The following TTF2 variants were observed in gnomAD, a reference collection of about 807,000 sequenced individuals.
TTF2 encodes RNA polymerase II termination factor.
In TTF2, 108 loss-of-function variants were observed where a neutral mutation model predicts 142.4. The observed-to-expected ratio is 0.76, with a 90% CI of 0.65 to 0.89. The LOEUF is 0.89. Among genes scored for constraint, TTF2 ranks in the 40% least tolerant of loss-of-function variants. The probability of loss-of-function intolerance (pLI) is 0.00; values close to 1 mark genes in which losing one functional copy is unlikely to be tolerated. For synonymous variants in TTF2, 483 were observed against 506.2 expected (o/e 0.95, Z 0.61); for missense variants, 1,327 against 1,379.8 (o/e 0.96, Z 0.61).
At position 117,087,841 on chromosome 1, in the gene TTF2, G is replaced by T. The variant is rs1263018086; in HGVS notation, c.2161-960G>T. Among the ~76,000 whole-genome samples, 1 of 152,062 alleles carries T rather than the reference G, an allele frequency of 6.6e-6. No homozygotes were observed. The highest frequency in any genetic ancestry group is 2.4e-5 in the African/African-American group (1 of 41,394). Reference sequence around the variant, plus strand: ...ACCACTCCCTTCCCACCTTCCCCCGGTTTGGTTGAATGCCTCTGCCAGCAC... The same window carrying T: ...ACCACTCCCTTCCCACCTTCCCCCGTTTTGGTTGAATGCCTCTGCCAGCAC... On this transcript the variant is annotated intron_variant, in intron 12 of 22. Transcript: ENST00000369466. This position sits in a 1 kb window ranked among gnomAD's most constrained non-coding sequence, Gnocchi z 4.8.
At chr1:117,088,536 T>A (rs1174744327) in intron 12 of TTF2, among the ~76,000 whole-genome samples, 1 of 150,850 alleles carries the variant, frequency 6.6e-6, no homozygotes, top group African/African-American at 2.4e-5. Context: ...GACTCCCATC[T>A]CAAAAAAAAA....
At position 117,101,025 on chromosome 1, in the gene TTF2, C is replaced by A. The variant is rs891005491; in HGVS notation, c.3345-355C>A. Among the ~76,000 whole-genome samples, 3 of 152,188 alleles carry A rather than the reference C, an allele frequency of 2.0e-5. No individual in the cohort carries two copies. Among genetic ancestry groups the A allele is most frequent in the African/African-American group, 7.2e-5 (3 of 41,438 alleles). On this transcript the variant is annotated intron_variant, in intron 22 of 22. Coordinates refer to ENST00000369466, the MANE Select transcript of TTF2 (RefSeq NM_003594.4). The surrounding 1 kb of genome is among the most constrained non-coding windows in gnomAD (Gnocchi z 5.9). ...CTAAGAAATACTCTACTTAAACTAG[C>A]AGAAATTTGATAACCTTTGAGGCCT...
Position 117,092,297 on chromosome 1 carries a change from G to A in TTF2, c.2805+347G>A, listed in dbSNP as rs144334563. Reference sequence around the variant, plus strand: ...GTCATAAAGCTAATTTAGTTCTTGGGGTTTTCTGCTTTCAGGCAGTTTTGG... The same window carrying A: ...GTCATAAAGCTAATTTAGTTCTTGGAGTTTTCTGCTTTCAGGCAGTTTTGG... On this transcript the variant is annotated intron_variant, in intron 17 of 22. Transcript: ENST00000369466. The surrounding 1 kb of genome is among the most constrained non-coding windows in gnomAD (Gnocchi z 4.4). Among the ~76,000 whole-genome samples the A allele has an allele frequency of 6.4e-4, 98 of 152,168 alleles. No individual in the cohort carries two copies. The highest frequency in any genetic ancestry group is 2.3e-3 in the African/African-American group (96 of 41,510).
intron 3 of TTF2, among the ~76,000 whole-genome samples, chr1:117,065,770 T>C (rs1242671519): frequency 1.7e-5 from 1 of 58,884 alleles, no homozygotes; most frequent in Non-Finnish European, 3.8e-5. Flanking sequence ...GGTAAGCCTT[T>C]ATTGCATGAA....
Position 117,070,227 on chromosome 1 carries a change from G to A in TTF2, c.219-3434G>A, listed in dbSNP as rs1252599744. The stretch of plus-strand genomic sequence containing the variant: ...CATGAGTTTTAAAGTAGACACTACA[G>A]TCATGAGTCATTTAACAATGGGGGC... On this transcript the variant is annotated intron_variant, in intron 3 of 22. Coordinates refer to ENST00000369466, the MANE Select transcript of TTF2 (RefSeq NM_003594.4). This position sits in a 1 kb window ranked among gnomAD's most constrained non-coding sequence, Gnocchi z 4.2. Among the ~76,000 whole-genome samples, 2 of 152,224 alleles carry A rather than the reference G, an allele frequency of 1.3e-5. No individual in the cohort carries two copies. The highest frequency in any genetic ancestry group is 2.9e-5 in the Non-Finnish European group (2 of 68,028).
intron 7 of TTF2, 42 bp from the exon 8 acceptor site, chr1:117,077,874 C>G (rs1657140293): frequency 6.2e-7 from 1 of 1,610,612 alleles, no homozygotes; most frequent in African/African-American, 1.3e-5. Flanking sequence ...ATAAAGAAAA[C>G]ATACTTGTGA....
intron 3 of TTF2, among the ~76,000 whole-genome samples, chr1:117,062,721 A>G (rs902298142): frequency 6.6e-6 from 1 of 152,236 alleles, no homozygotes; most frequent in African/African-American, 2.4e-5. Flanking sequence ...ACTGTCAGGT[A>G]GCCTATAATG....
chr1:117,061,707 A>G (rs1356302515), intron 2 of TTF2, among the ~76,000 whole-genome samples: 1 of 151,490 alleles, frequency 6.6e-6, no homozygotes, highest in Non-Finnish European at 1.5e-5. Context: ...TAAGAGAAAC[A>G]CTCTTATTTA....
chr1:117,090,389 G>T lies in TTF2; in HGVS notation c.2497-143G>T. ...TCATAGCAATCCAGTTGTACTGTAT[G>T]TTGGAGCAGTCCTGTGTCTAAGAAA... On this transcript the variant is annotated intron_variant, in intron 14 of 22. Transcript: ENST00000369466. The surrounding 1 kb of genome is among the most constrained non-coding windows in gnomAD (Gnocchi z 4.8). The T allele has an allele frequency of 9.0e-7, 1 of 1,109,194 alleles. No homozygotes were observed. The highest frequency in any genetic ancestry group is 1.3e-6 in the Non-Finnish European group (1 of 769,654). The allele number at this position is 1,109,194 out of a possible 1,614,324, so 68.7% of individuals were successfully genotyped here.
At chr1:117,072,651 TTGATCTCG>T (rs1298216452) in intron 3 of TTF2, among the ~76,000 whole-genome samples, 6 of 152,016 alleles carry the variant, frequency 3.9e-5, no homozygotes, top group Admixed American at 1.3e-4. Context: ...TCTCGATCTC[TTGATCTCG>T]TGATCCGCCC....
intron 3 of TTF2, among the ~76,000 whole-genome samples, chr1:117,071,050 G>T (rs567758253): frequency 1.3e-5 from 2 of 152,178 alleles, no homozygotes; most frequent in East Asian, 3.9e-4. Flanking sequence ...GGTAAAAATT[G>T]CATTTAATGA....
In TTF2 at chr1:117,083,400, C is replaced by T. The variant is rs188594921; in HGVS notation, c.1904-618C>T. Among the ~76,000 whole-genome samples, 91 of 152,262 alleles carry T rather than the reference C, an allele frequency of 6.0e-4. 1 individual carries two copies. The highest frequency in any genetic ancestry group is 3.8e-3 in the Admixed American group (58 of 15,292). On this transcript the variant is annotated intron_variant, in intron 10 of 22. Transcript: ENST00000369466. ...ATGAGGGGCCATGGTATAAACAAAC[C>T]ATCACTAATTGGTTCCAAACCAATG...
chr1:117,088,015 T>C (rs1648184924), intron 12 of TTF2, among the ~76,000 whole-genome samples: 1 of 152,260 alleles, frequency 6.6e-6, no homozygotes. Context: ...TATCGTATTG[T>C]AATTATCTTT....
chr1:117,088,097 A>G (rs1648191240), intron 12 of TTF2, among the ~76,000 whole-genome samples: 3 of 152,218 alleles, frequency 2.0e-5, no homozygotes, highest in Admixed American at 2.0e-4. Flanking sequence ...CTGGTTTAGC[A>G]TCTCACATCT....
rs770680943 is a variant in TTF2, at chr1:117,092,824, G to A, written c.2899G>A (p.Glu967Lys). The A allele has an allele frequency of 6.8e-6, 11 of 1,614,120 alleles. No homozygotes were observed. In the Admixed American group the frequency reaches 1.7e-4, roughly 24 times the overall value. ...GACCTTGTCAGAACTCCGTGACTCA[G>A]AGCCATCTTCCACTGTTTCCCTTAA... Reference protein sequence around the residue: ...ALTLSELRDSEPSSTVSLNGT... With the variant: ...ALTLSELRDSKPSSTVSLNGT... Residue 967 changes from glutamate (E) to lysine (K), a missense_variant, in exon 18 of 23, where the codon GAG becomes AAG. Transcript: ENST00000369466. This position sits in a 1 kb window ranked among gnomAD's most constrained non-coding sequence, Gnocchi z 4.4.
At position 117,063,077 on chromosome 1, in the gene TTF2, G is replaced by T. The variant is rs899925149; in HGVS notation, c.218+604G>T. On this transcript the variant is annotated intron_variant, in intron 3 of 22. Coordinates refer to ENST00000369466, the MANE Select transcript of TTF2 (RefSeq NM_003594.4). The surrounding 1 kb of genome is among the most constrained non-coding windows in gnomAD (Gnocchi z 4.1). ...ACATATCTTTAAACAGAGACTTTAGGCGATAAGGCTGGCCAGGAAGGTAGG... is the reference window on the plus strand; with the variant it reads ...ACATATCTTTAAACAGAGACTTTAGTCGATAAGGCTGGCCAGGAAGGTAGG... 6.6e-6 allele frequency among the ~76,000 whole-genome samples: 1 copy of T among 152,018 alleles called. No homozygotes were observed. The highest frequency in any genetic ancestry group is 1.5e-5 in the Non-Finnish European group (1 of 68,006).
intron 3 of TTF2, among the ~76,000 whole-genome samples, chr1:117,072,406 C>T (rs1656653449): frequency 6.9e-6 from 1 of 144,478 alleles, no homozygotes; most frequent in African/African-American, 2.6e-5. Flanking sequence ...TAGTATGTAG[C>T]TTTAAAAGAT....
rs753603413 is a variant in TTF2, at chr1:117,093,995, G to A, written c.2976+1094G>A. On this transcript the variant is annotated intron_variant, in intron 18 of 22. Coordinates refer to ENST00000369466, the MANE Select transcript of TTF2 (RefSeq NM_003594.4). This position sits in a 1 kb window ranked among gnomAD's most constrained non-coding sequence, Gnocchi z 4.5. The stretch of plus-strand genomic sequence containing the variant: ...AGCTTTTTCATGTGGGAGTCACAGC[G>A]CCTTCCACAATCTCAAGTTGCCAAG... 6.6e-6 allele frequency among the ~76,000 whole-genome samples: 1 copy of A among 152,146 alleles called. No individual in the cohort carries two copies. The highest frequency in any genetic ancestry group is 1.5e-5 in the Non-Finnish European group (1 of 68,028).
rs762572439 is a variant in TTF2, at chr1:117,088,843, A to G, written c.2203A>G (p.Ile735Val). The G allele has an allele frequency of 4.3e-6, 7 of 1,614,050 alleles. No homozygotes were observed. Among genetic ancestry groups the G allele is most frequent in the Non-Finnish European group, 5.9e-6 (7 of 1,180,018 alleles). Residue 735 changes from isoleucine (I) to valine (V), a missense_variant, in exon 13 of 23, where the codon ATA becomes GTA. By Grantham distance (29) the Ile-to-Val change is conservative. Transcript: ENST00000369466. Reference sequence around the variant, plus strand: ...GCTTCGAATAGCCTGGGCTCGAATCATATTGGATGAAGCTCACAATGTTAA... The same window carrying G: ...GCTTCGAATAGCCTGGGCTCGAATCGTATTGGATGAAGCTCACAATGTTAA... ...PLLRIAWARI[I>V]LDEAHNVKNP...
Sources: gnomAD v4.1 joint callset for allele counts (sites outside exome capture counted in the v4.1 genomes callset) on GRCh38, gnomAD v4.1.1 for gene constraint, Gnocchi (gnomAD v3.1) non-coding constraint, MANE v1.5 for transcripts, NCBI Gene and HGNC (gene_info 2026-07-23, HGNC 2026-07-21) for gene names.